Variants in PAM observed in about 807,000 individuals in gnomAD.
The protein encoded by PAM is peptidyl-glycine alpha-amidating monooxygenase.
PAM carries 72 observed loss-of-function variants against 122.1 expected under a neutral mutation model. The ratio of observed to expected loss-of-function variants is 0.59; its 90% CI spans 0.49 to 0.72. The LOEUF is 0.72. PAM is among the 30% of genes least tolerant of loss of function. PAM has a pLI of 0.00. For synonymous variants in PAM, 389 were observed against 404.4 expected, an observed-to-expected ratio of 0.96 and a Z score of 0.46; for missense variants, 1,106 against 1,183.7, an observed-to-expected ratio of 0.93 and a Z score of 0.96.
At chr5:103,014,224 A>T (rs1435440926) in intron 21 of PAM, among the ~76,000 whole-genome samples, 1 of 152,206 alleles carries the variant, frequency 6.6e-6, no homozygotes, top group African/African-American at 2.4e-5. Flanking sequence ...GCATCTAGAA[A>T]TAAAAACTAA....
intron 1 of PAM, among the ~76,000 whole-genome samples, chr5:102,787,225 A>C (rs1760775083): frequency 6.6e-6 from 1 of 152,096 alleles, no homozygotes; most frequent in African/African-American, 2.4e-5. Flanking sequence ...CTGGCAGAAG[A>C]AGAATAGATG....
At chr5:102,914,558 C>T (rs916331985) in intron 5 of PAM, among the ~76,000 whole-genome samples, 19 of 152,036 alleles carry the variant, frequency 1.2e-4, no homozygotes, top group African/African-American at 4.6e-4. Flanking sequence ...CATTATTCTA[C>T]CCGAAGAGCA....
chr5:102,935,730 A>G (rs1445102541), intron 7 of PAM, among the ~76,000 whole-genome samples: 1 of 152,156 alleles, frequency 6.6e-6, no homozygotes, highest in Non-Finnish European at 1.5e-5. Context: ...CAGACTCCTT[A>G]TAATGTTTCA....
Position 102,859,335 on chromosome 5 carries a change from AGTGTGTGTGTGTGTGT to A in PAM, c.-373-6467_-373-6452del, listed in dbSNP as rs57728525. Among the ~76,000 whole-genome samples, 73 of 142,410 alleles carry A rather than the reference AGTGTGTGTGTGTGTGT, an allele frequency of 5.1e-4. No individual in the cohort carries two copies. The East Asian group carries it at 0.014, about 27-fold the overall frequency. 93.4% of individuals were successfully genotyped at this position (142,410 alleles called of 152,430 possible). A position where few individuals can be genotyped will look rare whatever the true frequency, so the allele number is the denominator to read the frequency against. Reference sequence around the variant, plus strand: ...TGCTGATCTTGTATAGGCCCAGGCTAGTGTGTGTGTGTGTGTGTGTGTGTGTGTGTGTGTGTCTTCA... The same window carrying A: ...TGCTGATCTTGTATAGGCCCAGGCTAGTGTGTGTGTGTGTGTGTGTCTTCA... On this transcript the variant is annotated intron_variant, in intron 1 of 25. Transcript: ENST00000438793.
intron 13 of PAM, among the ~76,000 whole-genome samples, chr5:102,960,929 T>C (rs534351697): frequency 1.5e-5 from 2 of 136,178 alleles, no homozygotes; most frequent in African/African-American, 2.8e-5. Flanking sequence ...ATTGAAAGGG[T>C]AGTTGACCTA....
intron 3 of PAM, among the ~76,000 whole-genome samples, chr5:102,895,022 T>C (rs1393683180): frequency 6.6e-6 from 1 of 151,732 alleles, no homozygotes; most frequent in African/African-American, 2.4e-5. Context: ...TGGCTTTCTG[T>C]GGCTGTCATG....
At chr5:102,902,236 A>G (rs1798170847) in intron 4 of PAM, among the ~76,000 whole-genome samples, 1 of 151,618 alleles carries the variant, frequency 6.6e-6, no homozygotes, top group Admixed American at 6.6e-5. Context: ...TATTATGTGA[A>G]TTGTGAAATG....
At chr5:102,988,927 T>C (rs1027249879) in intron 15 of PAM, among the ~76,000 whole-genome samples, 9 of 152,212 alleles carry the variant, frequency 5.9e-5, no homozygotes, top group South Asian at 2.1e-4. Flanking sequence ...CAAGTTTTCA[T>C]AGCTGATCAT....
rs139308957 is a variant in PAM at position 102,824,767 on chromosome 5, C to T, written c.-373-41056C>T. ...AGTGTTTCCTAATTAGTTTTATGGA[C>T]GTAGAAACAAATCACTTAAAAAATT... On this transcript the variant is annotated intron_variant, in intron 1 of 25. Coordinates refer to ENST00000438793, the MANE Select transcript of PAM (RefSeq NM_001177306.2). Among the ~76,000 whole-genome samples, 635 of 112,370 alleles carry T rather than the reference C, an allele frequency of 5.7e-3. 2 individuals are homozygous for T. Among genetic ancestry groups the T allele is most frequent in the African/African-American group, 0.02 (602 of 29,898 alleles). The allele number at this position is 112,370 out of a possible 152,430, so 73.7% of individuals were successfully genotyped here. A position where few individuals can be genotyped will look rare whatever the true frequency, so the allele number is the denominator to read the frequency against.
chr5:102,964,910 T>G (rs115038671), intron 14 of PAM, among the ~76,000 whole-genome samples: 231 of 151,992 alleles, frequency 1.5e-3, no homozygotes, highest in African/African-American at 5.2e-3. Flanking sequence ...ATAACCCATT[T>G]GCATATAAGG....
intron 1 of PAM, among the ~76,000 whole-genome samples, chr5:102,787,006 C>G (rs539319094): frequency 6.6e-6 from 1 of 152,120 alleles, no homozygotes; most frequent in Non-Finnish European, 1.5e-5. Context: ...AAAAATCTTA[C>G]TCTCCCATCT....
At position 102,948,098 on chromosome 5, in the gene PAM, T is replaced by C. The variant is rs115251561; in HGVS notation, c.576-280T>C. 6.7e-3 allele frequency among the ~76,000 whole-genome samples: 1,015 copies of C among 152,294 alleles called. 8 individuals are homozygous for C. Among genetic ancestry groups the C allele is most frequent in the Non-Finnish European group, 0.012 (845 of 68,026 alleles). ...GTTTAATTTAAAGGTTAATCACATT[T>C]AAAAATCACCTACCCAGCAACACCT... On this transcript the variant is annotated intron_variant, in intron 8 of 25. Coordinates refer to ENST00000438793, the MANE Select transcript of PAM (RefSeq NM_001177306.2).
At chr5:102,757,886 GA>G (rs1035139223) in intron 1 of PAM, among the ~76,000 whole-genome samples, 6 of 148,468 alleles carry the variant, frequency 4.0e-5, no homozygotes, top group African/African-American at 1.5e-4. Context: ...AATATTAAAA[GA>G]AAAAAAAAGC....
At chr5:103,002,331 AG>A (rs1399989229) in intron 16 of PAM, among the ~76,000 whole-genome samples, 1 of 152,110 alleles carries the variant, frequency 6.6e-6, no homozygotes, top group Non-Finnish European at 1.5e-5. Flanking sequence ...ATAATCTAAA[AG>A]GTACTGAGTT....
At position 102,881,906 on chromosome 5, in the gene PAM, C is replaced by G. The variant is rs192610473; in HGVS notation, c.210+14513C>G. On this transcript the variant is annotated intron_variant, in intron 3 of 25. Coordinates refer to ENST00000438793, the MANE Select transcript of PAM (RefSeq NM_001177306.2). The stretch of plus-strand genomic sequence containing the variant: ...ATGCCTTTGCATCCTCATAGCTTAA[C>G]TCCCAACTTATGAGTGAGAACATAT... 6.9e-3 allele frequency among the ~76,000 whole-genome samples: 973 copies of G among 140,918 alleles called. 4 individuals are homozygous for G. Among genetic ancestry groups the G allele is most frequent in the Non-Finnish European group, 0.011 (712 of 67,322 alleles). The allele number at this position is 140,918 out of a possible 152,430, so 92.4% of individuals were successfully genotyped here.
intron 3 of PAM, among the ~76,000 whole-genome samples, chr5:102,900,254 T>TGGGGGGGGGG (rs140960589): frequency 3.7e-5 from 1 of 26,976 alleles, no homozygotes; most frequent in African/African-American, 1.7e-4. Context: ...TGTGTGTGTG[T>TGGGGGGGGGG]GGGGGGGGGG....
chr5:102,843,361 C>A (rs1002778051), intron 1 of PAM, among the ~76,000 whole-genome samples: 1 of 152,002 alleles, frequency 6.6e-6, no homozygotes, highest in African/African-American at 2.4e-5. Context: ...TCAGCTTATA[C>A]AAAAACGAAC....
chr5:102,984,065 C>G (rs892067115), intron 15 of PAM, among the ~76,000 whole-genome samples: 1 of 151,782 alleles, frequency 6.6e-6, no homozygotes, highest in African/African-American at 2.4e-5. Flanking sequence ...CACAAAAACA[C>G]AAGAATAAAA....
At chr5:102,823,740 T>C (rs1772760321) in intron 1 of PAM, among the ~76,000 whole-genome samples, 1 of 152,228 alleles carries the variant, frequency 6.6e-6, no homozygotes, top group Non-Finnish European at 1.5e-5. Flanking sequence ...TAAAGTCCAG[T>C]AGTCCTGAGT....
Sources: allele counts gnomAD v4.1 joint callset (sites outside exome capture counted in the v4.1 genomes callset), GRCh38; gene constraint gnomAD v4.1.1; transcripts MANE v1.5; gene names NCBI Gene and HGNC (gene_info 2026-07-23, HGNC 2026-07-21).